Variants in ABCA8 observed in about 807,000 individuals in gnomAD.
ABCA8 encodes ABC-type organic anion transporter ABCA8.
ABCA8 carries 177 observed loss-of-function variants against 192.3 expected under a neutral mutation model. The observed-to-expected ratio is 0.92, with a 90% CI of 0.81 to 1.04. ABCA8 has a LOEUF of 1.04. Ranked by LOEUF, ABCA8 falls within the 50% of genes least tolerant of loss-of-function variation. The probability of loss-of-function intolerance (pLI) is 0.00; values close to 1 mark genes in which losing one functional copy is unlikely to be tolerated. For synonymous variants in ABCA8, 642 were observed against 690.2 expected (o/e 0.93, Z 1.09); for missense variants, 1,915 against 1,904.8 (o/e 1.01, Z -0.10).
Position 68,882,699 on chromosome 17 carries a change from T to C in ABCA8, c.3728A>G (p.Asp1243Gly). Reference protein sequence around the residue: ...PFFRISPRSSDVCQNPEEPEG... With the variant: ...PFFRISPRSSGVCQNPEEPEG... ...TGGTTCTTCTGGATTTTGACACACA[T>C]CACTACTTCTTGGAGAAATTCTAGA... The change falls in exon 30 of 40, where the codon GAT becomes GGT. Residue 1243 changes from aspartate (D) to glycine (G), a missense_variant. Asp to Gly is a moderately conservative substitution (Grantham distance 94). Coordinates refer to ENST00000586539, the MANE Select transcript of ABCA8 (RefSeq NM_001288985.2). The C allele has an allele frequency of 1.9e-6, 3 of 1,612,144 alleles. No individual in the cohort carries two copies. The South Asian group carries it at 3.3e-5, about 18-fold the overall frequency.
intron 29 of ABCA8, among the ~76,000 whole-genome samples, chr17:68,883,370 A>G (rs1165311530): frequency 6.6e-6 from 1 of 152,212 alleles, no homozygotes; most frequent in Admixed American, 6.5e-5. Flanking sequence ...AAGTCCCATT[A>G]ATAACTGAAC....
intron 5 of ABCA8, among the ~76,000 whole-genome samples, chr17:68,933,876 C>G (rs1458417321): frequency 6.6e-6 from 1 of 152,096 alleles, no homozygotes; most frequent in East Asian, 1.9e-4. Flanking sequence ...ATGCATATTA[C>G]ATGAAATCAT....
At chr17:68,904,206 C>T (rs919507023) in intron 19 of ABCA8, among the ~76,000 whole-genome samples, 5 of 151,320 alleles carry the variant, frequency 3.3e-5, no homozygotes, top group African/African-American at 7.3e-5. Flanking sequence ...GGCGTGAACC[C>T]GGGAGGCAGA....
chr17:68,920,855 T>C (rs2067513714), intron 13 of ABCA8, among the ~76,000 whole-genome samples: 1 of 152,090 alleles, frequency 6.6e-6, no homozygotes, highest in Admixed American at 6.5e-5. Flanking sequence ...ACTGGGTATA[T>C]ACCCAAAGGA....
intron 17 of ABCA8, among the ~76,000 whole-genome samples, chr17:68,909,585 T>G (rs146479239): frequency 9.6e-4 from 146 of 152,302 alleles, no homozygotes; most frequent in Non-Finnish European, 1.3e-3. Context: ...TATTTTTCTA[T>G]AACCTTTACT....
At chr17:68,884,725 G>A in intron 27 of ABCA8, 2 of 1,065,062 alleles carry the variant, frequency 1.9e-6, no homozygotes, top group Non-Finnish European at 2.3e-6. Flanking sequence ...TTCTCTTTGT[G>A]GGGCCCCTTC....
In ABCA8 at chr17:68,945,333, A is replaced by ATT. The variant is rs4148015; in HGVS notation, c.-5-3296_-5-3295dup. 3.3e-3 allele frequency among the ~76,000 whole-genome samples: 505 copies of ATT among 150,896 alleles called. 3 individuals are homozygous for ATT. The highest frequency in any genetic ancestry group is 0.011 in the African/African-American group (469 of 41,114). On this transcript the variant is annotated intron_variant, in intron 2 of 39. Transcript: ENST00000586539. Reference sequence around the variant, plus strand: ...GGAAATAGCTTTTTGTACTCAGTTGATTTTTTTTTGTCATACCTATTTGCA... The same window carrying ATT: ...GGAAATAGCTTTTTGTACTCAGTTGATTTTTTTTTTTGTCATACCTATTTGCA...
chr17:68,870,237 T>C (rs569381166), intron 37 of ABCA8, among the ~76,000 whole-genome samples: 1 of 152,318 alleles, frequency 6.6e-6, no homozygotes, highest in South Asian at 2.1e-4. Flanking sequence ...CTCTCACTGT[T>C]CATCTCGAAA....
rs1220979035 is a variant in ABCA8, at chr17:68,911,922, A to C, written c.2139-4043T>G. On this transcript the variant is annotated intron_variant, in intron 17 of 39. Transcript: ENST00000586539. The surrounding 1 kb of genome is among the most constrained non-coding windows in gnomAD (Gnocchi z 5.7). ...TGCCCCCTAGTGCTGATACAGCTGCAGTGACCAAAGACTTAGACCATAACA... is the reference window on the plus strand; with the variant it reads ...TGCCCCCTAGTGCTGATACAGCTGCCGTGACCAAAGACTTAGACCATAACA... 1.3e-5 allele frequency among the ~76,000 whole-genome samples: 2 copies of C among 152,238 alleles called. No homozygotes were observed. Among genetic ancestry groups the C allele is most frequent in the African/African-American group, 4.8e-5 (2 of 41,464 alleles).
chr17:68,929,766 G>C, intron 7 of ABCA8, 64 bp from the exon 8 acceptor site: 1 of 1,421,676 alleles, frequency 7.0e-7, no homozygotes, highest in Admixed American at 2.3e-5. Flanking sequence ...GACCTGAAAT[G>C]GATTCTAAGA....
intron 26 of ABCA8, among the ~76,000 whole-genome samples, chr17:68,885,527 G>A (rs1055932211): frequency 6.6e-6 from 1 of 151,840 alleles, no homozygotes; most frequent in Non-Finnish European, 1.5e-5. Context: ...ATAAATCTAG[G>A]ATGTGATATG....
At position 68,867,862 on chromosome 17, in the gene ABCA8, G is replaced by A. The variant is rs1203487332; in HGVS notation, c.*223C>T. The A allele has an allele frequency of 1.0e-5, 5 of 483,588 alleles. No homozygotes were observed. Among genetic ancestry groups the A allele is most frequent in the African/African-American group, 1.9e-5 (1 of 52,008 alleles). The allele number at this position is 483,588 out of a possible 1,614,324, so 30.0% of individuals were successfully genotyped here. ...TTATACAGAACAATGGAACCAGTAT[G>A]GCCTGCAGAGATACAGAGGCTGTGA... On this transcript the variant is annotated 3_prime_UTR_variant, in exon 40 of 40. Transcript: ENST00000586539.
At chr17:68,953,158 A>G (rs2068616135) in intron 1 of ABCA8, among the ~76,000 whole-genome samples, 1 of 152,172 alleles carries the variant, frequency 6.6e-6, no homozygotes, top group Non-Finnish European at 1.5e-5. Flanking sequence ...GAAAGTAAAG[A>G]GATTCTGGAA....
At chr17:68,882,112 A>G (rs541245920) in intron 30 of ABCA8, 132 bp from the exon 31 acceptor site, 8 of 745,130 alleles carry the variant, frequency 1.1e-5, no homozygotes, top group South Asian at 3.4e-5. Flanking sequence ...CTATTTGGTG[A>G]CATGCTCCTT....
chr17:68,929,797 C>A, intron 7 of ABCA8, 95 bp from the exon 8 acceptor site: 1 of 1,092,114 alleles, frequency 9.2e-7, no homozygotes, highest in South Asian at 2.3e-5. Context: ...TTCACTTATT[C>A]ATCCATTCAT....
chr17:68,907,365 A>G (rs901013490), intron 18 of ABCA8, among the ~76,000 whole-genome samples: 8 of 152,112 alleles, frequency 5.3e-5, no homozygotes, highest in Non-Finnish European at 1.5e-5. Flanking sequence ...TGAAAAACCC[A>G]AAGTTATTGC....
At chr17:68,905,796 G>T (rs1322534875) in intron 19 of ABCA8, among the ~76,000 whole-genome samples, 1 of 152,106 alleles carries the variant, frequency 6.6e-6, no homozygotes, top group Non-Finnish European at 1.5e-5. Context: ...TTATGATTTA[G>T]AATAAATGTT....
intron 27 of ABCA8, 69 bp from the exon 28 acceptor site, chr17:68,884,465 A>G (rs914937176): frequency 6.7e-7 from 1 of 1,495,494 alleles, no homozygotes; most frequent in Non-Finnish European, 8.9e-7. Context: ...CATATACGTG[A>G]ATTGGCCCTA....
At position 68,928,058 on chromosome 17, in the gene ABCA8, T is replaced by C; in HGVS notation, c.1131A>G (p.Leu377=). ...TAGAATTCAAATCATAGTCCAAGTG[T>C]AAAAGCTGAAAATTAAAAAGTAATT... ...FAFMLGMAQL[L]HLDYDLNSNA... is the part of the protein sequence containing the mutation. The change falls in exon 10 of 40, where the codon TTA becomes TTG. Residue 377 remains leucine, a synonymous_variant. Coordinates refer to ENST00000586539, the MANE Select transcript of ABCA8 (RefSeq NM_001288985.2). The C allele has an allele frequency of 1.3e-6, 2 of 1,580,068 alleles. No homozygotes were observed. The highest frequency in any genetic ancestry group is 2.4e-5 in the South Asian group (2 of 84,350).
Sources: allele counts gnomAD v4.1 joint callset (sites outside exome capture counted in the v4.1 genomes callset), GRCh38; gene constraint gnomAD v4.1.1; non-coding constraint Gnocchi (gnomAD v3.1); transcripts MANE v1.5; gene names NCBI Gene and HGNC (gene_info 2026-07-23, HGNC 2026-07-21).